The following SOX5 variants were observed in gnomAD, a reference collection of about 807,000 sequenced individuals.
SOX5 encodes SRY-box transcription factor 5.
In SOX5, 9 loss-of-function variants were observed where a neutral mutation model predicts 92.0. The observed-to-expected ratio is 0.10, with a 90% CI of 0.06 to 0.17. The LOEUF (loss-of-function observed/expected upper bound fraction) is 0.17, where lower values mean the gene tolerates loss of function less well. Ranked by LOEUF, SOX5 falls within the 10% of genes least tolerant of loss-of-function variation. The probability of loss-of-function intolerance (pLI) is 1.00; values close to 1 mark genes in which losing one functional copy is unlikely to be tolerated. For missense variants in SOX5, 642 were observed against 944.5 expected (o/e 0.68, Z 4.20); for synonymous variants, 344 against 336.3 (o/e 1.02, Z -0.25).
intron 4 of SOX5, among the ~76,000 whole-genome samples, chr12:23,968,817 G>A (rs1206093007): frequency 2.0e-5 from 3 of 152,072 alleles, no homozygotes; most frequent in Non-Finnish European, 4.4e-5. Context: ...TGATTTCTTT[G>A]AGTATTGTTT....
At chr12:24,531,095 G>T (rs1951160875) in intron 1 of SOX5, among the ~76,000 whole-genome samples, 1 of 152,118 alleles carries the variant, frequency 6.6e-6, no homozygotes, top group Non-Finnish European at 1.5e-5. Flanking sequence ...GCAAGCAACT[G>T]TGCTAGTCTA....
upstream of SOX5, among the ~76,000 whole-genome samples, chr12:23,953,650 G>A (rs1166615192): frequency 6.6e-6 from 1 of 151,828 alleles, no homozygotes; most frequent in Non-Finnish European, 1.5e-5. Context: ...AGCCTTCTGA[G>A]GCAGATGTAG....
intron 4 of SOX5, among the ~76,000 whole-genome samples, chr12:24,027,817 C>T: frequency 6.6e-6 from 1 of 151,924 alleles, no homozygotes; most frequent in East Asian, 1.9e-4. Context: ...AAGTCACCAT[C>T]CTCAATCCAT....
At chr12:24,093,335 C>A (rs964687197) in intron 4 of SOX5, among the ~76,000 whole-genome samples, 2 of 151,960 alleles carry the variant, frequency 1.3e-5, no homozygotes, top group Non-Finnish European at 2.9e-5. Flanking sequence ...TCCTGGCTAA[C>A]ACGGTGAAAC....
chr12:23,950,917 G>A (rs912423833), upstream of SOX5: 1 of 1,530,638 alleles, frequency 6.5e-7, no homozygotes, highest in Non-Finnish European at 8.8e-7. Flanking sequence ...CGCAGCATCT[G>A]GTCAGGGAGT....
rs186780052 is a variant in SOX5, at chr12:24,451,257, G to A, written c.-250-82618C>T. 3.9e-4 allele frequency among the ~76,000 whole-genome samples: 59 copies of A among 152,236 alleles called. No individual in the cohort carries two copies. In the South Asian group the frequency reaches 6.8e-3, roughly 18 times the overall value. Reference sequence around the variant, plus strand: ...ATGACTAGTGCTGCAATAAACATGGGGGTGCAGATATCTCATATATATATA... The same window carrying A: ...ATGACTAGTGCTGCAATAAACATGGAGGTGCAGATATCTCATATATATATA... On this transcript the variant is annotated intron_variant, in intron 1 of 4. Transcript: ENST00000446891.
intron 7 of SOX5, among the ~76,000 whole-genome samples, chr12:23,645,288 T>C (rs1002284577): frequency 2.0e-5 from 3 of 151,964 alleles, no homozygotes; most frequent in African/African-American, 7.3e-5. Flanking sequence ...GTGAAATGCA[T>C]CAAAGCAGGA....
At chr12:24,101,075 T>C (rs941878864) in intron 4 of SOX5, among the ~76,000 whole-genome samples, 1 of 152,132 alleles carries the variant, frequency 6.6e-6, no homozygotes, top group African/African-American at 2.4e-5. Context: ...TGAACAATCA[T>C]CTTTAAGAAA....
chr12:24,025,874 G>C (rs1238833563), intron 4 of SOX5, among the ~76,000 whole-genome samples: 1 of 152,042 alleles, frequency 6.6e-6, no homozygotes, highest in Non-Finnish European at 1.5e-5. Flanking sequence ...TGAATATTAA[G>C]ATTAGTTGGA....
intron 2 of SOX5, among the ~76,000 whole-genome samples, chr12:24,298,599 G>A (rs560571438): frequency 1.3e-5 from 2 of 152,108 alleles, no homozygotes; most frequent in South Asian, 2.1e-4. Flanking sequence ...CAGCAACAGT[G>A]TTAATATGTA....
At chr12:23,895,046 A>C (rs1240722526) in intron 2 of SOX5, among the ~76,000 whole-genome samples, 1 of 152,016 alleles carries the variant, frequency 6.6e-6, no homozygotes, top group African/African-American at 2.4e-5. Context: ...ACAATGACTT[A>C]TTTGTGTTTA....
intron 1 of SOX5, among the ~76,000 whole-genome samples, chr12:24,478,904 G>A (rs562391419): frequency 9.9e-5 from 15 of 152,216 alleles, no homozygotes; most frequent in Non-Finnish European, 2.1e-4. Context: ...TGATTCCCTC[G>A]CTGGGAAATC....
chr12:24,258,184 C>CACAA (rs1215130755), intron 3 of SOX5, among the ~76,000 whole-genome samples: 1 of 152,072 alleles, frequency 6.6e-6, no homozygotes, highest in Non-Finnish European at 1.5e-5. Flanking sequence ...AACACACACA[C>CACAA]ACACAAAAAC....
At chr12:24,367,651 C>A (rs560420816) in intron 2 of SOX5, among the ~76,000 whole-genome samples, 2 of 152,078 alleles carry the variant, frequency 1.3e-5, no homozygotes, top group Non-Finnish European at 2.9e-5. Flanking sequence ...AAATTAAAAT[C>A]ATATTGCCAA....
At chr12:24,102,998 C>G (rs1404605386) in intron 4 of SOX5, among the ~76,000 whole-genome samples, 1 of 152,110 alleles carries the variant, frequency 6.6e-6, no homozygotes, top group African/African-American at 2.4e-5. Context: ...AAAATGAAAT[C>G]CCTGACTAAT....
chr12:24,145,040 C>T (rs1159206258), intron 4 of SOX5, among the ~76,000 whole-genome samples: 1 of 151,708 alleles, frequency 6.6e-6, no homozygotes, highest in Non-Finnish European at 1.5e-5. Flanking sequence ...CTGCAGTAAG[C>T]CACAATCACA....
upstream of SOX5, among the ~76,000 whole-genome samples, chr12:23,951,901 C>T (rs1945702486): frequency 1.3e-5 from 2 of 152,030 alleles, no homozygotes; most frequent in Non-Finnish European, 2.9e-5. Flanking sequence ...CAACCTACTC[C>T]CACACAGAAA....
intron 3 of SOX5, among the ~76,000 whole-genome samples, chr12:23,841,170 C>G (rs951425949): frequency 6.6e-6 from 1 of 152,022 alleles, no homozygotes; most frequent in African/African-American, 2.4e-5. Context: ...AAAAAAAGAT[C>G]TAACCAGGCA....
chr12:24,042,565 A>G (rs1011267875), intron 4 of SOX5, among the ~76,000 whole-genome samples: 68 of 152,172 alleles, frequency 4.5e-4, no homozygotes, highest in Non-Finnish European at 4.4e-4. Context: ...ATCCATATCC[A>G]TCATATATAT....
Sources: allele counts gnomAD v4.1 joint callset (sites outside exome capture counted in the v4.1 genomes callset), GRCh38; gene constraint gnomAD v4.1.1; transcripts MANE v1.5; gene names NCBI Gene and HGNC (gene_info 2026-07-23, HGNC 2026-07-21).